The following SKAP1 variants were observed in gnomAD, a reference collection of about 807,000 sequenced individuals.
SKAP1 encodes src kinase associated phosphoprotein 1, also known as src kinase-associated phosphoprotein 1.
Under a neutral mutation model 58.5 loss-of-function variants are expected in SKAP1, and 44 were observed. That is an observed-to-expected ratio of 0.75 (90% CI 0.59 to 0.97). SKAP1 has a LOEUF of 0.97. Among genes scored for constraint, SKAP1 ranks in the 50% least tolerant of loss-of-function variants. SKAP1 has a pLI of 0.00. For synonymous variants in SKAP1, 127 were observed against 149.7 expected, an observed-to-expected ratio of 0.85 and a Z score of 1.11; for missense variants, 390 against 435.2, an observed-to-expected ratio of 0.90 and a Z score of 0.92.
At chr17:48,416,831 C>A (rs1340324900) in intron 1 of SKAP1, among the ~76,000 whole-genome samples, 7 of 152,164 alleles carry the variant, frequency 4.6e-5, no homozygotes, top group Non-Finnish European at 1.0e-4. Context: ...AGTTATCAGA[C>A]CATTAGGATT....
At chr17:48,238,600 T>C (rs2065208459) in intron 4 of SKAP1, among the ~76,000 whole-genome samples, 1 of 152,026 alleles carries the variant, frequency 6.6e-6, no homozygotes, top group African/African-American at 2.4e-5. Flanking sequence ...CTCGAACTCC[T>C]GGGCTCAAGC....
At chr17:48,440,090 G>A in the SKAP1 span, among the ~76,000 whole-genome samples, 1 of 152,322 alleles carries the variant, frequency 6.6e-6, no homozygotes, top group Non-Finnish European at 1.5e-5. Context: ...AATGCGGCCT[G>A]CGACTTTGCC....
At chr17:48,153,378 T>A (rs1343112486) in intron 11 of SKAP1, among the ~76,000 whole-genome samples, 3 of 152,192 alleles carry the variant, frequency 2.0e-5, no homozygotes, top group Non-Finnish European at 4.4e-5. Flanking sequence ...GACGATTGGT[T>A]CCTGTCTGGG....
At chr17:48,247,943 C>T (rs186813133) in intron 4 of SKAP1, among the ~76,000 whole-genome samples, 172 of 152,286 alleles carry the variant, frequency 1.1e-3, no homozygotes, top group African/African-American at 4.0e-3. Flanking sequence ...TCTTTATTGT[C>T]GGTCTCCCCA....
At chr17:48,148,958 G>A (rs992355018) in intron 11 of SKAP1, among the ~76,000 whole-genome samples, 5 of 152,108 alleles carry the variant, frequency 3.3e-5, no homozygotes, top group African/African-American at 1.2e-4. Context: ...GACATGGGAG[G>A]GTGAGCAGAT....
chr17:48,291,872 TA>T (rs1453912994), intron 4 of SKAP1, among the ~76,000 whole-genome samples: 1 of 152,226 alleles, frequency 6.6e-6, no homozygotes, highest in African/African-American at 2.4e-5. Flanking sequence ...AGCGTTAATC[TA>T]TTTTTATGGC....
chr17:48,395,558 T>C (rs2067406820), intron 2 of SKAP1, among the ~76,000 whole-genome samples: 1 of 152,188 alleles, frequency 6.6e-6, no homozygotes, highest in South Asian at 2.1e-4. Context: ...CCTAAACTTA[T>C]CTATTAATAA....
At chr17:48,222,901 TA>T (rs2143736528) in intron 4 of SKAP1, among the ~76,000 whole-genome samples, 1 of 150,310 alleles carries the variant, frequency 6.7e-6, no homozygotes, top group South Asian at 2.1e-4. Flanking sequence ...CCATCTCTAC[TA>T]AAAATACAAA....
At chr17:48,138,507 T>C (rs2063730078) in intron 11 of SKAP1, among the ~76,000 whole-genome samples, 1 of 151,632 alleles carries the variant, frequency 6.6e-6, no homozygotes, top group Admixed American at 6.6e-5. Flanking sequence ...TTAGCTGGGA[T>C]TACAGGCGCG....
chr17:48,208,887 T>C (rs1192858863), intron 4 of SKAP1, among the ~76,000 whole-genome samples: 3 of 152,214 alleles, frequency 2.0e-5, no homozygotes, highest in Non-Finnish European at 2.9e-5. Flanking sequence ...AGTGTCTGGA[T>C]GCCAGGGTTC....
At chr17:48,264,067 T>A (rs2065514270) in intron 4 of SKAP1, among the ~76,000 whole-genome samples, 1 of 151,342 alleles carries the variant, frequency 6.6e-6, no homozygotes, top group Admixed American at 6.6e-5. Flanking sequence ...TTTTTTTTTA[T>A]CTAACTTAAA....
chr17:48,441,947 C>T, the SKAP1 span, among the ~76,000 whole-genome samples: 1 of 152,238 alleles, frequency 6.6e-6, no homozygotes, highest in Non-Finnish European at 1.5e-5. Flanking sequence ...TTTCCAGGAT[C>T]CCTTTACAGC....
intron 4 of SKAP1, among the ~76,000 whole-genome samples, chr17:48,240,985 A>G (rs918788161): frequency 5.9e-5 from 9 of 152,200 alleles, no homozygotes; most frequent in African/African-American, 2.2e-4. Context: ...CTTCATCTTC[A>G]AAGACAACAG....
intron 11 of SKAP1, among the ~76,000 whole-genome samples, chr17:48,150,807 G>A (rs1307657586): frequency 6.6e-6 from 1 of 152,232 alleles, no homozygotes; most frequent in African/African-American, 2.4e-5. Flanking sequence ...AAGGTGCAAG[G>A]AAGATTATGT....
Position 48,189,487 on chromosome 17 carries a change from G to C in SKAP1, c.294C>G (p.Ile98Met), listed in dbSNP as rs66753385. 6.2e-7 allele frequency: 1 copy of C among 1,611,588 alleles called. No individual in the cohort carries two copies. The highest frequency in any genetic ancestry group is 1.3e-5 in the African/African-American group (1 of 74,762). The change falls in exon 5 of 13, where the codon ATC becomes ATG. Residue 98 changes from isoleucine (I) to methionine (M), a missense_variant. Ile to Met is a conservative substitution (Grantham distance 10). Coordinates refer to ENST00000336915, the MANE Select transcript of SKAP1 (RefSeq NM_003726.4). ...TATCAAGTTCTTGAGCTCCTTTTAC[G>C]ATGTCTTCCATTCCTAAAAGGACCA... ...SDYQDEGMED[I>M]VKGAQELDNV...
intron 3 of SKAP1, among the ~76,000 whole-genome samples, chr17:48,350,546 A>T (rs1026761318): frequency 6.6e-6 from 1 of 152,160 alleles, no homozygotes; most frequent in Non-Finnish European, 1.5e-5. Flanking sequence ...ATACAAAAAA[A>T]TTAGCCAGGA....
At chr17:48,422,914 A>G (rs1421464031) in intron 1 of SKAP1, among the ~76,000 whole-genome samples, 1 of 152,230 alleles carries the variant, frequency 6.6e-6, no homozygotes, top group Non-Finnish European at 1.5e-5. Context: ...GCAATGACAG[A>G]TGAGACAGTA....
intron 4 of SKAP1, among the ~76,000 whole-genome samples, chr17:48,324,251 C>T (rs1222417712): frequency 6.6e-6 from 1 of 151,928 alleles, no homozygotes; most frequent in East Asian, 1.9e-4. Flanking sequence ...GAACATTTTC[C>T]TATGATAATA....
At chr17:48,212,037 G>A (rs921572721) in intron 4 of SKAP1, among the ~76,000 whole-genome samples, 2 of 150,636 alleles carry the variant, frequency 1.3e-5, no homozygotes, top group African/African-American at 4.9e-5. Flanking sequence ...GGGCAGCCAC[G>A]AACCCAGAAC....
Sources: allele counts gnomAD v4.1 joint callset (sites outside exome capture counted in the v4.1 genomes callset), GRCh38; gene constraint gnomAD v4.1.1; transcripts MANE v1.5; gene names NCBI Gene and HGNC (gene_info 2026-07-23, HGNC 2026-07-21).